Variants in ACO2 observed in about 807,000 individuals in gnomAD.
ACO2 encodes the protein aconitase 2, also known as aconitate hydratase, mitochondrial.
In ACO2, 31 loss-of-function variants were observed where a neutral mutation model predicts 84.5. The observed-to-expected ratio is 0.37, with a 90% confidence interval of 0.28 to 0.50. ACO2 has a LOEUF of 0.50. Ranked by LOEUF, ACO2 falls within the 20% of genes least tolerant of loss-of-function variation. The probability of loss-of-function intolerance (pLI) is 0.97; values close to 1 mark genes in which losing one functional copy is unlikely to be tolerated. For synonymous variants in ACO2, 414 were observed against 412.7 expected (o/e 1.00, Z -0.04); for missense variants, 685 against 1,029.3 (o/e 0.67, Z 4.58).
chr22:41,517,970 T>C (rs1177057674), intron 7 of ACO2, among the ~76,000 whole-genome samples: 2 of 152,230 alleles, frequency 1.3e-5, no homozygotes. Context: ...ATGGATCGCT[T>C]CTGTTGATAA....
At chr22:41,504,068 TAGTC>T (rs1263746985) in intron 2 of ACO2, among the ~76,000 whole-genome samples, 1 of 151,884 alleles carries the variant, frequency 6.6e-6, no homozygotes, top group Non-Finnish European at 1.5e-5. Flanking sequence ...ACAAAAAAAT[TAGTC>T]AGGCATGGTG....
intron 1 of ACO2, among the ~76,000 whole-genome samples, chr22:41,476,857 A>G (rs2038020752): frequency 6.6e-6 from 1 of 152,054 alleles, no homozygotes; most frequent in African/African-American, 2.4e-5. Flanking sequence ...CTTGAAAGGT[A>G]GGGAGAATGG....
At position 41,527,957 on chromosome 22, in the gene ACO2, T is replaced by C; in HGVS notation, c.2143T>C (p.Tyr715His). Residue 715 changes from tyrosine (Y) to histidine (H), a missense_variant, in exon 17 of 18, where the codon TAC becomes CAC. This residue lies in a region of ACO2 where 174 missense variants were observed against 236.6 expected (regional missense o/e 0.74). Transcript: ENST00000216254. ...TCTGACCTTCGCTGACCCGGCTGAC[T>C]ACAACAAGATTCACCCTGTGGACAA... ...LPLTFADPADYNKIHPVDKLT... is the reference protein window; with the variant it reads ...LPLTFADPADHNKIHPVDKLT... The C allele has an allele frequency of 6.2e-7, 1 of 1,614,130 alleles. No homozygotes were observed. Among genetic ancestry groups the C allele is most frequent in the Non-Finnish European group, 8.5e-7 (1 of 1,180,008 alleles).
At chr22:41,523,371 G>T (rs1283531593) in intron 11 of ACO2, 93 bp downstream of exon 11, 4 of 1,007,120 alleles carry the variant, frequency 4.0e-6, no homozygotes, top group Non-Finnish European at 5.8e-6. Context: ...GGAGAGAAGA[G>T]ACTCCAGCCA....
In ACO2 at chr22:41,501,807, C is replaced by G. The variant is rs1399687612; in HGVS notation, c.173+1945C>G. 3.9e-5 allele frequency among the ~76,000 whole-genome samples: 6 copies of G among 152,146 alleles called. No individual in the cohort carries two copies. In the South Asian group the frequency reaches 1.0e-3, roughly 26 times the overall value. On this transcript the variant is annotated intron_variant, in intron 2 of 17. Transcript: ENST00000216254. Reference sequence around the variant, plus strand: ...CTTTGCTTTCTATCTACTGGTATCCCCACTTCGGTTTTAAGGGTAGGGACT... The same window carrying G: ...CTTTGCTTTCTATCTACTGGTATCCGCACTTCGGTTTTAAGGGTAGGGACT...
chr22:41,513,269 T>C (rs12628178), intron 4 of ACO2, among the ~76,000 whole-genome samples: 2 of 152,170 alleles, frequency 1.3e-5, no homozygotes, highest in East Asian at 3.8e-4. Context: ...GGCCAAAGTT[T>C]GGAGCCGTGA....
chr22:41,473,242 C>T (rs772817272), intron 1 of ACO2, among the ~76,000 whole-genome samples: 5 of 152,160 alleles, frequency 3.3e-5, no homozygotes, highest in Non-Finnish European at 7.3e-5. Context: ...CGGTGGCTCA[C>T]GCCTGTAATT....
At chr22:41,477,821 C>T (rs2038037288) in intron 1 of ACO2, among the ~76,000 whole-genome samples, 1 of 151,958 alleles carries the variant, frequency 6.6e-6, no homozygotes, top group Non-Finnish European at 1.5e-5. Context: ...AATCCCAGCA[C>T]TTTGGGAGGC....
At chr22:41,490,939 C>T (rs1352577277) in intron 1 of ACO2, among the ~76,000 whole-genome samples, 1 of 151,908 alleles carries the variant, frequency 6.6e-6, no homozygotes, top group Non-Finnish European at 1.5e-5. Context: ...CAATCTCTCC[C>T]TAGTGGAGCT....
intron 3 of ACO2, among the ~76,000 whole-genome samples, chr22:41,508,573 C>T (rs547706544): frequency 1.3e-3 from 197 of 152,336 alleles, no homozygotes; most frequent in Middle Eastern, 3.4e-3. Context: ...GATCCTGGCT[C>T]CCACTCTGGT....
In ACO2 at chr22:41,523,849, GAGA is replaced by G. The variant is rs2066549223; in HGVS notation, c.1395_1397del (p.Lys465del). 14 of 1,612,198 alleles carry G rather than the reference GAGA, an allele frequency of 8.7e-6. No individual in the cohort carries two copies. The highest frequency in any genetic ancestry group is 2.2e-5 in the South Asian group (2 of 90,988). ...TGGCAGGAAGGACATCAAGAAGGGG[GAGA>G]AGAACACAATCGTCACCTCCTACAA... On this transcript the variant is annotated inframe_deletion, in exon 12 of 18. Transcript: ENST00000216254.
chr22:41,475,169 CTTTTTTTTTTTT>C (rs1161178390), intron 1 of ACO2, among the ~76,000 whole-genome samples: 6 of 120,256 alleles, frequency 5.0e-5, no homozygotes, highest in African/African-American at 1.9e-4. Context: ...TTGTTTTTTC[CTTTTTTTTTTTT>C]TTTTTTTTTG....
At chr22:41,469,697 AG>A (rs2037918671) in intron 1 of ACO2, among the ~76,000 whole-genome samples, 1 of 152,080 alleles carries the variant, frequency 6.6e-6, no homozygotes, top group Admixed American at 6.6e-5. Context: ...AATGTCGGGG[AG>A]GGGGGCGGTC....
chr22:41,499,270 T>C (rs1306509282), intron 1 of ACO2, among the ~76,000 whole-genome samples: 3 of 152,184 alleles, frequency 2.0e-5, no homozygotes, highest in Non-Finnish European at 4.4e-5. Flanking sequence ...AAATAAGGCT[T>C]GATCTCAACC....
chr22:41,517,392 G>A (rs758324389), intron 6 of ACO2, 135 bp from the exon 7 acceptor site: 18 of 725,510 alleles, frequency 2.5e-5, no homozygotes, highest in Non-Finnish European at 3.5e-5. Flanking sequence ...GAGTCGGCCC[G>A]CTGTCACCAC....
At chr22:41,511,472 A>T (rs936890900) in intron 3 of ACO2, among the ~76,000 whole-genome samples, 2 of 152,250 alleles carry the variant, frequency 1.3e-5, no homozygotes, top group Non-Finnish European at 2.9e-5. Flanking sequence ...GCACCCAGCC[A>T]CTGCGCCTAG....
At chr22:41,512,630 T>C (rs988351558) in intron 4 of ACO2, among the ~76,000 whole-genome samples, 4 of 152,172 alleles carry the variant, frequency 2.6e-5, no homozygotes, top group Non-Finnish European at 5.9e-5. Flanking sequence ...GCTCCTCGGA[T>C]TTCTTTTTGG....
Position 41,518,489 on chromosome 22 carries a change from A to C in ACO2, c.949A>C (p.Asn317His), listed in dbSNP as rs370823463. The change falls in exon 8 of 18, where the codon AAT becomes CAT. Residue 317 changes from asparagine (N) to histidine (H), a missense_variant. Physicochemically the swap from Asn to His is moderately conservative, Grantham distance 68. Coordinates refer to ENST00000216254, the MANE Select transcript of ACO2 (RefSeq NM_001098.3). ...LSKTGREDIA[N>H]LADEFKDHLV... Reference sequence around the variant, plus strand: ...TCCCTTGTTGATTTCAGACATTGCCAATCTAGCTGATGAATTCAAGGATCA... The same window carrying C: ...TCCCTTGTTGATTTCAGACATTGCCCATCTAGCTGATGAATTCAAGGATCA... The C allele has an allele frequency of 6.2e-7, 1 of 1,613,304 alleles. No homozygotes were observed. The highest frequency in any genetic ancestry group is 1.3e-5 in the African/African-American group (1 of 74,912).
intron 1 of ACO2, among the ~76,000 whole-genome samples, chr22:41,485,434 A>ATTTTT (rs71184813): frequency 5.8e-5 from 4 of 69,020 alleles, no homozygotes; most frequent in Non-Finnish European, 8.5e-5. Context: ...TGCCCGGCTA[A>ATTTTT]TTTTTTTTTT....
Sources: gnomAD v4.1 joint callset for allele counts (sites outside exome capture counted in the v4.1 genomes callset) on GRCh38, gnomAD v4.1.1 for gene constraint, gnomAD v4.1.1 regional missense constraint, MANE v1.5 for transcripts, NCBI Gene and HGNC (gene_info 2026-07-23, HGNC 2026-07-21) for gene names.